The following DGLUCY variants were observed in gnomAD, a reference collection of about 807,000 sequenced individuals.
DGLUCY encodes the protein D-glutamate cyclase, mitochondrial.
A neutral mutation model predicts 58.5 loss-of-function variants in DGLUCY; 58 were observed. That is an observed-to-expected ratio of 0.99 (90% CI 0.80 to 1.23). The LOEUF (loss-of-function observed/expected upper bound fraction) is 1.23. Among genes scored for constraint, DGLUCY ranks in the 50% most tolerant of loss-of-function variants. The pLI is 0.00. For synonymous variants in DGLUCY, 325 were observed against 314.1 expected, an observed-to-expected ratio of 1.03 and a Z score of -0.37; for missense variants, 779 against 784.7, an observed-to-expected ratio of 0.99 and a Z score of 0.09.
chr14:91,077,756 A>G (rs1478281367), intron 1 of DGLUCY, among the ~76,000 whole-genome samples: 1 of 138,404 alleles, frequency 7.2e-6, no homozygotes, highest in African/African-American at 2.7e-5. Context: ...GTCTCAAAAA[A>G]AAAAAAAGAG....
chr14:91,113,611 A>G (rs572471542), upstream of DGLUCY, among the ~76,000 whole-genome samples: 3 of 152,316 alleles, frequency 2.0e-5, no homozygotes, highest in East Asian at 5.8e-4. Flanking sequence ...TCCAAGCTCA[A>G]AACATCACCC....
At chr14:91,066,135 T>G (rs1398257868) in intron 1 of DGLUCY, among the ~76,000 whole-genome samples, 2 of 152,064 alleles carry the variant, frequency 1.3e-5, no homozygotes, top group Non-Finnish European at 1.5e-5. Flanking sequence ...CCCAGCACTT[T>G]GGGAGGCCAA....
intron 13 of DGLUCY, among the ~76,000 whole-genome samples, chr14:91,216,750 G>T (rs898966513): frequency 2.5e-4 from 38 of 152,268 alleles, no homozygotes; most frequent in South Asian, 1.2e-3. Flanking sequence ...GCAGCAGCAG[G>T]TAACTTTTGT....
At chr14:91,166,664 C>CA (rs530045050) in intron 3 of DGLUCY, among the ~76,000 whole-genome samples, 5,328 of 138,308 alleles carry the variant, frequency 0.039, 117 homozygotes, top group Non-Finnish European at 0.045. Flanking sequence ...GACTCTGTCT[C>CA]AAAAAAAAAA....
chr14:91,209,749 C>T (rs1663935043), intron 12 of DGLUCY, among the ~76,000 whole-genome samples: 1 of 151,958 alleles, frequency 6.6e-6, no homozygotes, highest in Admixed American at 6.6e-5. Context: ...AAAAAACAAA[C>T]CAAGATTGAG....
chr14:91,060,518 G>A (rs2043625031), exon 1 of DGLUCY: 8 of 1,240,892 alleles, frequency 6.4e-6, no homozygotes, highest in Non-Finnish European at 7.1e-6. Context: ...AGCCGCTGCC[G>A]CGGCCCCAGG....
At chr14:91,102,743 A>ATGTGTGTGTGTGTG (rs548653144) in intron 1 of DGLUCY, among the ~76,000 whole-genome samples, 8,776 of 130,462 alleles carry the variant, frequency 0.067, 508 homozygotes, top group Non-Finnish European at 0.077. Context: ...TCCAGTGTGT[A>ATGTGTGTGTGTGTG]TGTGTGTGTG....
At chr14:91,138,509 A>G (rs1160243291) in intron 1 of DGLUCY, among the ~76,000 whole-genome samples, 1 of 152,174 alleles carries the variant, frequency 6.6e-6, no homozygotes, top group Non-Finnish European at 1.5e-5. Context: ...GAAAAAGAAA[A>G]AAAGAAATAT....
intron 1 of DGLUCY, among the ~76,000 whole-genome samples, chr14:91,077,964 T>G (rs2044058160): frequency 6.6e-6 from 1 of 152,160 alleles, no homozygotes; most frequent in Non-Finnish European, 1.5e-5. Context: ...ACAAACAGAC[T>G]CTGCTTGTAG....
intron 1 of DGLUCY, among the ~76,000 whole-genome samples, chr14:91,100,745 T>C (rs1323272387): frequency 3.9e-5 from 6 of 152,278 alleles, no homozygotes; most frequent in African/African-American, 1.4e-4. Flanking sequence ...AATCTGTGTT[T>C]TAACAAGCTC....
chr14:91,077,458 A>G (rs894394549), intron 1 of DGLUCY, among the ~76,000 whole-genome samples: 1 of 151,488 alleles, frequency 6.6e-6, no homozygotes, highest in Non-Finnish European at 1.5e-5. Flanking sequence ...GAGAACAAAG[A>G]AAAAACAAAA....
At chr14:91,208,486 C>T (rs566911432) in intron 12 of DGLUCY, among the ~76,000 whole-genome samples, 4 of 152,260 alleles carry the variant, frequency 2.6e-5, no homozygotes, top group East Asian at 1.9e-4. Flanking sequence ...CGGTGGCTCA[C>T]GCCTGTAATC....
At chr14:91,074,187 T>C (rs2043976754) in intron 1 of DGLUCY, among the ~76,000 whole-genome samples, 1 of 137,626 alleles carries the variant, frequency 7.3e-6, no homozygotes, top group Admixed American at 7.4e-5. Flanking sequence ...TCCCAGCTAC[T>C]TGGGAGGCTG....
chr14:91,126,904 C>T (rs7146000), intron 1 of DGLUCY, among the ~76,000 whole-genome samples: 85,103 of 151,762 alleles, frequency 0.56, 25,240 homozygotes, highest in East Asian at 0.9. Flanking sequence ...ATAGCCACTG[C>T]ACTCCACCCC....
intron 13 of DGLUCY, among the ~76,000 whole-genome samples, chr14:91,216,668 TG>T (rs1886569130): frequency 6.9e-6 from 1 of 145,130 alleles, no homozygotes; most frequent in African/African-American, 2.5e-5. Flanking sequence ...AAAGAATCCC[TG>T]GGAAGGGACA....
In DGLUCY at chr14:91,167,266, G is replaced by C. The variant is rs1390545262; in HGVS notation, c.145G>C (p.Ala49Pro). Reference sequence around the variant, plus strand: ...CCTGGTGGTCCTGCCCAGGTCCCTTGCTCCAGCTTTTGAAAGATTCTGCCA... The same window carrying C: ...CCTGGTGGTCCTGCCCAGGTCCCTTCCTCCAGCTTTTGAAAGATTCTGCCA... ...ASLVVLPRSL[A>P]PAFERFCQVN... Residue 49 changes from alanine (A) to proline (P), a missense_variant, in exon 4 of 14, where the codon GCT becomes CCT. Physicochemically the swap from Ala to Pro is conservative, Grantham distance 27. Coordinates refer to ENST00000256324, the MANE Select transcript of DGLUCY (RefSeq NM_001102368.3). 1.8e-5 allele frequency: 29 copies of C among 1,612,020 alleles called. No individual in the cohort carries two copies. Among genetic ancestry groups the C allele is most frequent in the Non-Finnish European group, 2.3e-5 (27 of 1,179,532 alleles).
chr14:91,129,769 C>A (rs993583035), intron 1 of DGLUCY, among the ~76,000 whole-genome samples: 2 of 152,022 alleles, frequency 1.3e-5, no homozygotes, highest in Non-Finnish European at 2.9e-5. Context: ...GCCTCAGCCT[C>A]CCTAGTAGCT....
At chr14:91,161,866 C>G (rs962964605) in intron 3 of DGLUCY, among the ~76,000 whole-genome samples, 1 of 149,672 alleles carries the variant, frequency 6.7e-6, no homozygotes, top group African/African-American at 2.5e-5. Flanking sequence ...ATTACTTTTG[C>G]ACTACCTAAT....
intron 3 of DGLUCY, among the ~76,000 whole-genome samples, chr14:91,161,152 G>A (rs888548134): frequency 1.3e-5 from 2 of 152,158 alleles, no homozygotes; most frequent in Non-Finnish European, 1.5e-5. Context: ...TGCAAGCTCC[G>A]CCTCCCAGAT....
Sources: gnomAD v4.1 joint callset for allele counts (sites outside exome capture counted in the v4.1 genomes callset) on GRCh38, gnomAD v4.1.1 for gene constraint, MANE v1.5 for transcripts, NCBI Gene and HGNC (gene_info 2026-07-23, HGNC 2026-07-21) for gene names.